RERG: variants seen among roughly 807,000 people sequenced by gnomAD.
RERG encodes ras-related and estrogen-regulated growth inhibitor.
A neutral mutation model predicts 23.2 loss-of-function variants in RERG; 25 were observed. The ratio of observed to expected loss-of-function variants is 1.08; its 90% CI spans 0.79 to 1.50. The LOEUF (loss-of-function observed/expected upper bound fraction) is 1.50. Ranked by LOEUF, RERG falls within the 40% of genes most tolerant of loss-of-function variation. RERG has a pLI of 0.00. For synonymous variants in RERG, 81 were observed against 89.1 expected (o/e 0.91, Z 0.51); for missense variants, 253 against 250.1 (o/e 1.01, Z -0.08).
At chr12:15,156,187 C>A (rs141949725) in intron 2 of RERG, among the ~76,000 whole-genome samples, 1 of 151,990 alleles carries the variant, frequency 6.6e-6, no homozygotes, top group East Asian at 1.9e-4. Context: ...ACAACTGATA[C>A]GAATGGAAAT....
At chr12:15,162,488 T>C (rs2136114729) in intron 2 of RERG, among the ~76,000 whole-genome samples, 1 of 152,198 alleles carries the variant, frequency 6.6e-6, no homozygotes, top group East Asian at 1.9e-4. Flanking sequence ...TATAGCATTG[T>C]TTTTATGATG....
At chr12:15,202,888 G>C (rs1283894582) in intron 2 of RERG, among the ~76,000 whole-genome samples, 1 of 151,706 alleles carries the variant, frequency 6.6e-6, no homozygotes, top group African/African-American at 2.4e-5. Flanking sequence ...GTTTTCCATA[G>C]TGGTTGCACC....
chr12:15,155,981 AACTT>A (rs1200396669), intron 2 of RERG, among the ~76,000 whole-genome samples: 13 of 139,482 alleles, frequency 9.3e-5, no homozygotes, highest in African/African-American at 2.8e-4. Flanking sequence ...TGTACCCTAA[AACTT>A]AAAGTATAAT....
At chr12:15,177,724 T>G (rs1263998745) in intron 2 of RERG, among the ~76,000 whole-genome samples, 1 of 151,940 alleles carries the variant, frequency 6.6e-6, no homozygotes, top group Non-Finnish European at 1.5e-5. Flanking sequence ...CACCTAAAAA[T>G]CTAGAGCAAA....
chr12:15,126,886 T>G (rs113732118), intron 2 of RERG, among the ~76,000 whole-genome samples: 88 of 151,786 alleles, frequency 5.8e-4, no homozygotes, highest in African/African-American at 2.0e-3. Context: ...CCCGGCTAAT[T>G]TTTTTGTATT....
In RERG at chr12:15,183,235, G is replaced by C. The variant is rs1250978091; in HGVS notation, c.61+34194C>G. ...AACTCATTATTATATTGTCTTTAAT[G>C]GTTTAGAATATATCTTCCCATGCAT... On this transcript the variant is annotated intron_variant, in intron 2 of 4. Coordinates refer to ENST00000256953, the MANE Select transcript of RERG (RefSeq NM_032918.3). Among the ~76,000 whole-genome samples the C allele has an allele frequency of 3.3e-5, 5 of 151,906 alleles. No homozygotes were observed. In the East Asian group the frequency reaches 9.6e-4, roughly 29 times the overall value.
chr12:15,110,008 A>G (rs756958705), intron 4 of RERG, among the ~76,000 whole-genome samples: 27 of 152,166 alleles, frequency 1.8e-4, no homozygotes, highest in Non-Finnish European at 3.5e-4. Context: ...TCTTCAGATT[A>G]TAGACAATTA....
chr12:15,161,781 A>G (rs1864619301), intron 2 of RERG, among the ~76,000 whole-genome samples: 1 of 152,202 alleles, frequency 6.6e-6, no homozygotes, highest in African/African-American at 2.4e-5. Flanking sequence ...TAATAATAAT[A>G]ATAATAAAAC....
chr12:15,147,743 G>C (rs1864358670), intron 2 of RERG, among the ~76,000 whole-genome samples: 1 of 152,180 alleles, frequency 6.6e-6, no homozygotes, highest in Admixed American at 6.5e-5. Context: ...CAAAAAGAGA[G>C]AGACCATGGA....
chr12:15,204,204 T>C (rs1591669527), intron 2 of RERG, among the ~76,000 whole-genome samples: 1 of 151,676 alleles, frequency 6.6e-6, no homozygotes, highest in East Asian at 1.9e-4. Flanking sequence ...CAGTATCATA[T>C]TGGCATAAAA....
intron 2 of RERG, among the ~76,000 whole-genome samples, chr12:15,212,020 T>G (rs1865372590): frequency 1.3e-5 from 2 of 148,188 alleles, no homozygotes; most frequent in South Asian, 4.3e-4. Flanking sequence ...GAAACCTATG[T>G]GATATTAGAG....
Position 15,172,382 on chromosome 12 carries a change from T to C in RERG, c.61+45047A>G, listed in dbSNP as rs557075829. Among the ~76,000 whole-genome samples the C allele has an allele frequency of 5.9e-5, 9 of 152,284 alleles. No homozygotes were observed. In the East Asian group the frequency reaches 1.7e-3, roughly 29 times the overall value. ...ATTTTTTAATCCATACATTCATTTA[T>C]GGACATTTGGGTTGTTTTTATTTTG... On this transcript the variant is annotated intron_variant, in intron 2 of 4. Transcript: ENST00000256953.
chr12:15,117,485 T>C (rs1863744346), intron 3 of RERG, among the ~76,000 whole-genome samples: 1 of 152,148 alleles, frequency 6.6e-6, no homozygotes, highest in African/African-American at 2.4e-5. Flanking sequence ...GCAGGAGTTG[T>C]AAGGCAGGCA....
At chr12:15,146,154 T>C (rs991850597) in intron 2 of RERG, among the ~76,000 whole-genome samples, 1 of 152,204 alleles carries the variant, frequency 6.6e-6, no homozygotes, top group Non-Finnish European at 1.5e-5. Context: ...CTTACAAGAC[T>C]GTTGTGATTA....
chr12:15,109,548 A>C (rs764431181), intron 4 of RERG, 31 bp from the exon 5 acceptor site: 32 of 1,531,732 alleles, frequency 2.1e-5, no homozygotes, highest in Non-Finnish European at 2.8e-5. Flanking sequence ...CCGTCAAGAG[A>C]CCTGGAAATA....
chr12:15,144,405 T>C (rs59965164), intron 2 of RERG, among the ~76,000 whole-genome samples: 6,106 of 152,204 alleles, frequency 0.04, 451 homozygotes, highest in African/African-American at 0.14. Context: ...AGCATAGCTA[T>C]AGGAGTACCC....
At position 15,166,562 on chromosome 12, in the gene RERG, TTGGTGG is replaced by T. The variant is rs1277262863; in HGVS notation, c.62-45449_62-45444del. On this transcript the variant is annotated intron_variant, in intron 2 of 4. Coordinates refer to ENST00000256953, the MANE Select transcript of RERG (RefSeq NM_032918.3). ...GGTGGTAGTGGTGTTGGTGGTGGTG[TTGGTGG>T]TGGTGGTGGTGGTAGGGGTGGTGCC... is the stretch of plus-strand genomic sequence containing the variant. Among the ~76,000 whole-genome samples, 4 of 149,376 alleles carry T rather than the reference TTGGTGG, an allele frequency of 2.7e-5. No homozygotes were observed. The South Asian group carries it at 8.5e-4, about 32-fold the overall frequency.
intron 2 of RERG, among the ~76,000 whole-genome samples, chr12:15,208,082 C>T (rs930916040): frequency 6.6e-6 from 1 of 152,074 alleles, no homozygotes; most frequent in Non-Finnish European, 1.5e-5. Flanking sequence ...TCATCCAATT[C>T]TTGGACGGCC....
At chr12:15,172,190 A>G (rs1211522477) in intron 2 of RERG, among the ~76,000 whole-genome samples, 1 of 152,000 alleles carries the variant, frequency 6.6e-6, no homozygotes, top group Non-Finnish European at 1.5e-5. Flanking sequence ...GTGTCTATAG[A>G]TTTTCTTATG....
Sources: allele counts gnomAD v4.1 joint callset (sites outside exome capture counted in the v4.1 genomes callset), GRCh38; gene constraint gnomAD v4.1.1; transcripts MANE v1.5; gene names NCBI Gene and HGNC (gene_info 2026-07-23, HGNC 2026-07-21).